The following KLK1 variants were observed in gnomAD, a reference collection of about 807,000 sequenced individuals.
The protein encoded by KLK1 is kallikrein-1.
KLK1 carries 22 observed loss-of-function variants against 23.3 expected under a neutral mutation model. The ratio of observed to expected loss-of-function variants is 0.95; its 90% confidence interval spans 0.68 to 1.35. KLK1 has a LOEUF of 1.35. Ranked by LOEUF, KLK1 falls within the 40% of genes most tolerant of loss-of-function variation. KLK1 has a pLI of 0.00. For synonymous variants in KLK1, 140 were observed against 135.8 expected (o/e 1.03, Z -0.21); for missense variants, 301 against 338.9 (o/e 0.89, Z 0.88).
intron 2 of KLK1, chr19:50,820,684 G>T: frequency 2.5e-6 from 1 of 404,326 alleles, no homozygotes; most frequent in Non-Finnish European, 4.4e-6. Flanking sequence ...AAAGGACAGA[G>T]GGGTGAAAAA....
chr19:50,820,505 G>GGGGGA, intron 2 of KLK1, 62 bp from the exon 3 acceptor site: 1 of 832,904 alleles, frequency 1.2e-6, no homozygotes. Context: ...ATGGGGCAGG[G>GGGGGA]GAGCATGGGG....
intron 4 of KLK1, 49 bp downstream of exon 4, chr19:50,819,850 G>C: frequency 6.3e-7 from 1 of 1,591,186 alleles, no homozygotes; most frequent in Non-Finnish European, 8.6e-7. Context: ...TTCAGAGGCT[G>C]AGTCCCCTCC....
intron 1 of KLK1, chr19:50,822,532 A>C: frequency 1.0e-6 from 1 of 985,306 alleles, no homozygotes; most frequent in Non-Finnish European, 1.2e-6. Context: ...GCTATGGTTA[A>C]GGCTAGAGGT....
chr19:50,823,653 G>T, intron 1 of KLK1, 50 bp downstream of exon 1: 2 of 1,287,364 alleles, frequency 1.6e-6, no homozygotes, highest in Non-Finnish European at 2.2e-6. Context: ...TGTGAGGCCA[G>T]CAAGAGAATC....
chr19:50,819,177 G>A lies in KLK1; in HGVS notation c.*17C>T, dbSNP rs1236981310. On this transcript the variant is annotated 3_prime_UTR_variant, in exon 5 of 5. Coordinates refer to ENST00000301420, the MANE Select transcript of KLK1 (RefSeq NM_002257.4). ...GCACATTTGATTTTACTGGGGGTAGGGGACAGGGCTGGGCGTTCAGGAGTT... is the reference window on the plus strand; with the variant it reads ...GCACATTTGATTTTACTGGGGGTAGAGGACAGGGCTGGGCGTTCAGGAGTT... 6.3e-7 allele frequency: 1 copy of A among 1,596,906 alleles called. No individual in the cohort carries two copies. The highest frequency in any genetic ancestry group is 8.6e-7 in the Non-Finnish European group (1 of 1,168,032).
intron 4 of KLK1, 111 bp downstream of exon 4, chr19:50,819,788 C>T: frequency 1.8e-6 from 2 of 1,108,698 alleles, no homozygotes; most frequent in Non-Finnish European, 2.6e-6. Flanking sequence ...CGAGTGGCTA[C>T]AGCTAGCTGG....
Position 50,823,691 on chromosome 19 carries a change from C to A in KLK1, c.46+12G>T, listed in dbSNP as rs1428745770. 2 of 1,581,408 alleles carry A rather than the reference C, an allele frequency of 1.3e-6. No individual in the cohort carries two copies. Among genetic ancestry groups the A allele is most frequent in the Admixed American group, 3.4e-5 (2 of 59,378 alleles). On this transcript the variant is annotated intron_variant, in intron 1 of 4. Transcript: ENST00000301420. ...GGCCCGTTCCCCCTCCCACATCCCCCCACTGTCTCACCAGTCCCCCCCAGG... is the reference window on the plus strand; with the variant it reads ...GGCCCGTTCCCCCTCCCACATCCCCACACTGTCTCACCAGTCCCCCCCAGG...
At chr19:50,819,564 G>T (rs1167585760) in intron 4 of KLK1, among the ~76,000 whole-genome samples, 4 of 152,258 alleles carry the variant, frequency 2.6e-5, no homozygotes, top group Non-Finnish European at 5.9e-5. Flanking sequence ...CAGGTGGACA[G>T]TGCCTGCAGA....
At chr19:50,820,509 CATGGGGG>C in intron 2 of KLK1, 66 bp from the exon 3 acceptor site, 2 of 190,496 alleles carry the variant, frequency 1.0e-5, no homozygotes, top group African/African-American at 5.7e-5. Flanking sequence ...GGCAGGGGAG[CATGGGGG>C]AGGGTCCCCA....
chr19:50,823,642 A>G, intron 1 of KLK1, 61 bp downstream of exon 1: 2 of 1,103,356 alleles, frequency 1.8e-6, no homozygotes, highest in Admixed American at 1.9e-5. Flanking sequence ...TCGGGGGGGG[A>G]TGTGAGGCCA....
Position 50,819,239 on chromosome 19 carries a change from C to G in KLK1, c.744G>C (p.Leu248=). The part of the protein sequence containing the change: ...PNKPSVAVRV[L]SYVKWIEDTI... ...TGTCCTCGATCCACTTCACATAAGA[C>G]AGCACTCTGACGGCGACAGAAGGCT... Residue 248 remains leucine, a synonymous_variant, in exon 5 of 5, where the codon CTG becomes CTC. Transcript: ENST00000301420. 6.2e-7 allele frequency: 1 copy of G among 1,614,162 alleles called. No individual in the cohort carries two copies. Among genetic ancestry groups the G allele is most frequent in the Middle Eastern group, 1.6e-4 (1 of 6,062 alleles).
intron 1 of KLK1, chr19:50,822,083 G>T: frequency 7.4e-7 from 1 of 1,345,630 alleles, no homozygotes; most frequent in Non-Finnish European, 9.5e-7. Context: ...CTGGTGGGGA[G>T]ATTTTGTGCT....
intron 2 of KLK1, 72 bp from the exon 3 acceptor site, chr19:50,820,515 G>GGGGA: frequency 1.3e-6 from 1 of 796,012 alleles, no homozygotes. Context: ...GGAGCATGGG[G>GGGGA]GAGGGTCCCC....
chr19:50,821,821 G>C lies in KLK1; in HGVS notation c.97C>G (p.Gln33Glu), dbSNP rs1187346513. The C allele has an allele frequency of 6.2e-7, 1 of 1,613,834 alleles. No individual in the cohort carries two copies. Among genetic ancestry groups the C allele is most frequent in the Non-Finnish European group, 8.5e-7 (1 of 1,179,928 alleles). The change falls in exon 2 of 5, where the codon CAG (glutamine) becomes GAG (glutamate). Residue 33 changes from glutamine (Q) to glutamate (E), a missense_variant. Gln to Glu is a conservative substitution (Grantham distance 29, BLOSUM62 2). Coordinates refer to ENST00000301420, the MANE Select transcript of KLK1 (RefSeq NM_002257.4). The surrounding 1 kb of genome is among the most constrained non-coding windows in gnomAD (Gnocchi z 5.6). ...GCCGCCTGCCAGGGCTGGGAATGCT[G>C]CTCACACTCCCAGCCTCCCACAATC... ...SRIVGGWECE[Q>E]HSQPWQAALY...
At position 50,821,641 on chromosome 19, in the gene KLK1, G is replaced by T; in HGVS notation, c.206+71C>A. 6.8e-7 allele frequency: 1 copy of T among 1,480,128 alleles called. No individual in the cohort carries two copies. The allele number at this position is 1,480,128 out of a possible 1,614,324, so 91.7% of individuals were successfully genotyped here. A position where few individuals can be genotyped will look rare whatever the true frequency, so the allele number is the denominator to read the frequency against. On this transcript the variant is annotated intron_variant, in intron 2 of 4. Transcript: ENST00000301420. This position sits in a 1 kb window ranked among gnomAD's most constrained non-coding sequence, Gnocchi z 5.6. ...CAGTCTTGCCTGAGGTTATCCAAGG[G>T]GAATGCCACTGGCCTGTCAATCCTG...
chr19:50,821,967 A>G lies in KLK1; in HGVS notation c.47-96T>C. On this transcript the variant is annotated intron_variant, in intron 1 of 4. Coordinates refer to ENST00000301420, the MANE Select transcript of KLK1 (RefSeq NM_002257.4). The surrounding 1 kb of genome is among the most constrained non-coding windows in gnomAD (Gnocchi z 5.6). Reference sequence around the variant, plus strand: ...AGCTGGGCTGTGGGTCTGAAGGGACATTGCGGGTAGAGGACCAGGGCTGGA... The same window carrying G: ...AGCTGGGCTGTGGGTCTGAAGGGACGTTGCGGGTAGAGGACCAGGGCTGGA... 1 of 1,490,300 alleles carries G rather than the reference A, an allele frequency of 6.7e-7. No individual in the cohort carries two copies. Among genetic ancestry groups the G allele is most frequent in the Non-Finnish European group, 8.9e-7 (1 of 1,120,418 alleles). 92.3% of individuals were successfully genotyped at this position (1,490,300 alleles called of 1,614,324 possible).
intron 1 of KLK1, chr19:50,822,642 G>A (rs1033872772): frequency 9.8e-5 from 96 of 980,300 alleles, no homozygotes; most frequent in African/African-American, 1.1e-4. Context: ...GGACTGGGAC[G>A]GGGCTCAGGA....
At chr19:50,819,631 T>C (rs1196603863) in intron 4 of KLK1, among the ~76,000 whole-genome samples, 4 of 151,976 alleles carry the variant, frequency 2.6e-5, no homozygotes, top group Admixed American at 1.3e-4. Context: ...TGCGGGCACA[T>C]CGCAGAGGCC....
chr19:50,823,671 G>A (rs578007638), intron 1 of KLK1, 32 bp downstream of exon 1: 87 of 1,475,304 alleles, frequency 5.9e-5, no homozygotes, highest in South Asian at 1.4e-4. Context: ...ATCAGGGCCC[G>A]TTCCCCCTCC....
Sources: gnomAD v4.1 joint callset for allele counts (sites outside exome capture counted in the v4.1 genomes callset) on GRCh38, gnomAD v4.1.1 for gene constraint, Gnocchi (gnomAD v3.1) non-coding constraint, MANE v1.5 for transcripts, NCBI Gene and HGNC (gene_info 2026-07-23, HGNC 2026-07-21) for gene names.